Variants in C6orf163 observed in about 807,000 individuals in gnomAD.
C6orf163 encodes chromosome 6 open reading frame 163.
C6orf163 carries 22 observed loss-of-function variants against 28.4 expected under a neutral mutation model. The ratio of observed to expected loss-of-function variants is 0.78; its 90% CI spans 0.55 to 1.11. The LOEUF is 1.11. Ranked by LOEUF, C6orf163 falls within the 50% of genes least tolerant of loss-of-function variation. The probability of loss-of-function intolerance (pLI) is 0.00; values close to 1 mark genes in which losing one functional copy is unlikely to be tolerated. For synonymous variants in C6orf163, 110 were observed against 123.6 expected, an observed-to-expected ratio of 0.89 and a Z score of 0.73; for missense variants, 342 against 389.1, an observed-to-expected ratio of 0.88 and a Z score of 1.02.
At chr6:87,346,328 T>A (rs1777323737) in intron 1 of C6orf163, among the ~76,000 whole-genome samples, 1 of 152,178 alleles carries the variant, frequency 6.6e-6, no homozygotes, top group Non-Finnish European at 1.5e-5. Flanking sequence ...TCTAAAAACA[T>A]CAATTCCAAA....
chr6:87,365,323 A>T lies in C6orf163; in HGVS notation c.917A>T (p.Asp306Val). The T allele has an allele frequency of 6.4e-7, 1 of 1,551,516 alleles. No homozygotes were observed. Among genetic ancestry groups the T allele is most frequent in the Non-Finnish European group, 8.7e-7 (1 of 1,146,868 alleles). ...CCTAAGCTTTCACCAGGACATGCAG[A>T]TTTTATTCTGCCAGAAAGAAAGAAA... ...TFPKLSPGHADFILPERKKTP... is the reference protein window; with the variant it reads ...TFPKLSPGHAVFILPERKKTP... Residue 306 changes from aspartate to valine, a missense_variant, in exon 5 of 5, where the codon GAT becomes GTT. Asp to Val is a radical substitution (Grantham distance 152, BLOSUM62 -3). Coordinates refer to ENST00000388923, the MANE Select transcript of C6orf163 (RefSeq NM_001010868.3).
At chr6:87,347,971 C>A in intron 1 of C6orf163, 1 of 687,028 alleles carries the variant, frequency 1.5e-6, no homozygotes, top group Non-Finnish European at 1.8e-6. Context: ...GCCTGACCAA[C>A]ATGGTGAAAG....
At chr6:87,349,793 A>T (rs537762490) in intron 2 of C6orf163, among the ~76,000 whole-genome samples, 7 of 152,226 alleles carry the variant, frequency 4.6e-5, no homozygotes, top group Admixed American at 1.3e-4. Context: ...AAATCTTTGT[A>T]GTCATCTATT....
intron 1 of C6orf163, among the ~76,000 whole-genome samples, chr6:87,346,710 A>G (rs1777329235): frequency 6.6e-6 from 1 of 152,246 alleles, no homozygotes; most frequent in African/African-American, 2.4e-5. Flanking sequence ...ATTAATACAG[A>G]TATCCAAACA....
At position 87,365,361 on chromosome 6, in the gene C6orf163, CT is replaced by C. The variant is rs1320656792; in HGVS notation, c.957del (p.Val320LeufsTer?). ...AGAAAGAAAGAAAACACCTTCTAAT[CT>C]TGTTATTAAGGAGAACAAAACAACT... is the stretch of plus-strand genomic sequence containing the variant. ...LPERKKTPSN[L>X]VIKENKTTLD On this transcript the variant is annotated frameshift_variant, in exon 5 of 5. Transcript: ENST00000388923. LOFTEE classifies it low-confidence loss of function (END_TRUNC). 14 of 1,547,812 alleles carry C rather than the reference CT, an allele frequency of 9.0e-6. No homozygotes were observed. The highest frequency in any genetic ancestry group is 1.7e-6 in the Non-Finnish European group (2 of 1,145,278).
chr6:87,347,603 CTG>C, intron 1 of C6orf163: 6 of 985,258 alleles, frequency 6.1e-6, no homozygotes, highest in Non-Finnish European at 7.2e-6. Flanking sequence ...GTAGGAGACT[CTG>C]TGCCGCCAAA....
chr6:87,359,429 A>G (rs1256748411), intron 4 of C6orf163, among the ~76,000 whole-genome samples: 6 of 152,192 alleles, frequency 3.9e-5, no homozygotes, highest in Non-Finnish European at 5.9e-5. Flanking sequence ...CACCTGCGTA[A>G]CTTCTGAAAT....
chr6:87,348,084 G>C, intron 1 of C6orf163: 1 of 597,318 alleles, frequency 1.7e-6, no homozygotes, highest in Non-Finnish European at 2.1e-6. Flanking sequence ...TGAAACGGGA[G>C]GCGGAGGTTG....
At chr6:87,354,652 A>G (rs142458703) in intron 3 of C6orf163, among the ~76,000 whole-genome samples, 2 of 152,356 alleles carry the variant, frequency 1.3e-5, no homozygotes, top group African/African-American at 4.8e-5. Context: ...AAGATTTTCT[A>G]AATACATGAA....
Position 87,364,992 on chromosome 6 carries a change from G to A in C6orf163, c.586G>A (p.Val196Ile), listed in dbSNP as rs924773933. Reference sequence around the variant, plus strand: ...CGTGGAGGAAATTGTGAATACTGGTGTCACAGTTATTAAGGATGAGAAGAC... The same window carrying A: ...CGTGGAGGAAATTGTGAATACTGGTATCACAGTTATTAAGGATGAGAAGAC... ...KAVEEIVNTG[V>I]TVIKDEKTSV... is the part of the protein sequence containing the mutation. The change falls in exon 5 of 5, where the codon GTC (valine) becomes ATC (isoleucine). Residue 196 changes from valine (V) to isoleucine (I), a missense_variant. Val to Ile is a conservative substitution (Grantham distance 29). Transcript: ENST00000388923. 1.9e-6 allele frequency: 3 copies of A among 1,550,358 alleles called. No homozygotes were observed. The highest frequency in any genetic ancestry group is 1.4e-5 in the African/African-American group (1 of 73,006).
intron 1 of C6orf163, chr6:87,347,525 T>C: frequency 1.0e-6 from 1 of 985,456 alleles, no homozygotes; most frequent in African/African-American, 1.7e-5. Flanking sequence ...TGTTGGGCTT[T>C]TGCAGTATGT....
intron 2 of C6orf163, among the ~76,000 whole-genome samples, chr6:87,349,369 C>G (rs1461218063): frequency 6.6e-6 from 1 of 152,170 alleles, no homozygotes; most frequent in African/African-American, 2.4e-5. Flanking sequence ...CCTGTTTCCT[C>G]AAATGCTTCA....
chr6:87,345,916 CAAAAA>C (rs3044136), intron 1 of C6orf163, among the ~76,000 whole-genome samples: 19 of 44,650 alleles, frequency 4.3e-4, no homozygotes, highest in Admixed American at 1.1e-3. Context: ...GACTCTGCCT[CAAAAA>C]AAAAAAAAAA....
At chr6:87,360,984 T>C (rs1435695486) in intron 4 of C6orf163, among the ~76,000 whole-genome samples, 2 of 152,034 alleles carry the variant, frequency 1.3e-5, no homozygotes, top group African/African-American at 4.8e-5. Context: ...AAGGATCAAA[T>C]ATTCAAGCAC....
chr6:87,347,427 A>G (rs1582103529), intron 1 of C6orf163: 2 of 985,342 alleles, frequency 2.0e-6, no homozygotes, highest in South Asian at 4.7e-5. Context: ...CTACACTTGT[A>G]TCACATTTTT....
intron 4 of C6orf163, among the ~76,000 whole-genome samples, chr6:87,363,769 C>T (rs1187489584): frequency 6.6e-6 from 1 of 152,062 alleles, no homozygotes; most frequent in East Asian, 1.9e-4. Flanking sequence ...GGGTTGGTTC[C>T]AAGTCTTTGC....
chr6:87,350,334 C>G, intron 2 of C6orf163, 60 bp from the exon 3 acceptor site: 1 of 1,076,064 alleles, frequency 9.3e-7, no homozygotes, highest in Non-Finnish European at 1.3e-6. Flanking sequence ...CCTAAATAAG[C>G]CAAGTTTGCT....
At position 87,350,458 on chromosome 6, in the gene C6orf163, T is replaced by C. The variant is rs1777395001; in HGVS notation, c.308T>C (p.Ile103Thr). Residue 103 changes from isoleucine to threonine, a missense_variant, in exon 3 of 5, where the codon ATT becomes ACT. Transcript: ENST00000388923. ...GAAGAAGCAAATGACAGACACAAAA[T>C]TGAAATTCAGATTTTGAAAGAGGAA... is the stretch of plus-strand genomic sequence containing the variant. ...ALEEANDRHK[I>T]EIQILKEEHQ... The C allele has an allele frequency of 1.3e-6, 2 of 1,535,972 alleles. No individual in the cohort carries two copies. The highest frequency in any genetic ancestry group is 1.7e-6 in the Non-Finnish European group (2 of 1,146,156).
chr6:87,360,398 A>ATTTTTT (rs10625675), intron 4 of C6orf163, among the ~76,000 whole-genome samples: 1 of 138,118 alleles, frequency 7.2e-6, no homozygotes, highest in Non-Finnish European at 1.5e-5. Context: ...TTAAGCATGA[A>ATTTTTT]TTTTTTTTTT....
Sources: allele counts gnomAD v4.1 joint callset (sites outside exome capture counted in the v4.1 genomes callset), GRCh38; gene constraint gnomAD v4.1.1; transcripts MANE v1.5; gene names NCBI Gene and HGNC (gene_info 2026-07-23, HGNC 2026-07-21).